The following TBC1D5 variants were observed in gnomAD, a reference collection of about 807,000 sequenced individuals.
TBC1D5 encodes TBC1 domain family member 5, also known as TBC1 domain family, member 5.
Under a neutral mutation model 100.3 loss-of-function variants are expected in TBC1D5, and 75 were observed. The ratio of observed to expected loss-of-function variants is 0.75; its 90% CI spans 0.62 to 0.91. The LOEUF (loss-of-function observed/expected upper bound fraction) is 0.91, where lower values mean the gene tolerates loss of function less well. Among genes scored for constraint, TBC1D5 ranks in the 40% least tolerant of loss-of-function variants. The probability of loss-of-function intolerance (pLI) is 0.00; values close to 1 mark genes in which losing one functional copy is unlikely to be tolerated. For synonymous variants in TBC1D5, 323 were observed against 325.6 expected, an observed-to-expected ratio of 0.99 and a Z score of 0.09; for missense variants, 910 against 942.4, an observed-to-expected ratio of 0.97 and a Z score of 0.45.
chr3:17,599,001 C>T (rs1275041491), intron 2 of TBC1D5, among the ~76,000 whole-genome samples: 1 of 152,136 alleles, frequency 6.6e-6, no homozygotes, highest in Non-Finnish European at 1.5e-5. Context: ...AGAATTGTGG[C>T]TATGGAGGAC....
chr3:17,488,256 T>G (rs976335256), intron 3 of TBC1D5, among the ~76,000 whole-genome samples: 1 of 152,244 alleles, frequency 6.6e-6, no homozygotes, highest in African/African-American at 2.4e-5. Flanking sequence ...TTAGTGTCTT[T>G]TACTTAGCAG....
chr3:17,161,399 G>GCCTGCTGC (rs759488483), intron 21 of TBC1D5, 143 bp from the exon 23 acceptor site: 7 of 945,740 alleles, frequency 7.4e-6, no homozygotes, highest in Non-Finnish European at 1.1e-5. Flanking sequence ...GCAGTGTTTG[G>GCCTGCTGC]CCTGCTGCCC....
At chr3:17,319,171 C>A (rs1221639522) in intron 13 of TBC1D5, among the ~76,000 whole-genome samples, 1 of 152,104 alleles carries the variant, frequency 6.6e-6, no homozygotes, top group Non-Finnish European at 1.5e-5. Context: ...TGCTCGTAAA[C>A]CAACTCAAAT....
Position 17,304,564 on chromosome 3 carries a change from T to C in TBC1D5, c.1138+3428A>G, listed in dbSNP as rs375678000. ...CTAGGACTACAGGCACAAGCCACTA[T>C]ACCCGGCCAAATTTTATTTTTTGTA... On this transcript the variant is annotated intron_variant, in intron 14 of 21. Transcript: ENST00000253692. 2.6e-5 allele frequency among the ~76,000 whole-genome samples: 4 copies of C among 152,266 alleles called. No individual in the cohort carries two copies. In the East Asian group the frequency reaches 7.7e-4, roughly 29 times the overall value.
At chr3:17,237,420 G>A (rs2075948749) in intron 17 of TBC1D5, among the ~76,000 whole-genome samples, 1 of 152,190 alleles carries the variant, frequency 6.6e-6, no homozygotes, top group Non-Finnish European at 1.5e-5. Context: ...AAGGTTCAGA[G>A]TAAGAACCTG....
intron 2 of TBC1D5, among the ~76,000 whole-genome samples, chr3:17,578,582 T>C (rs1293577190): frequency 6.6e-6 from 1 of 152,058 alleles, no homozygotes; most frequent in Non-Finnish European, 1.5e-5. Flanking sequence ...TAAACATTTT[T>C]TAAAACTTAG....
chr3:17,487,780 G>A (rs1028926457), intron 3 of TBC1D5, among the ~76,000 whole-genome samples: 2 of 152,220 alleles, frequency 1.3e-5, no homozygotes, highest in African/African-American at 4.8e-5. Flanking sequence ...AAAGTCAATG[G>A]AAGAAGAATC....
At chr3:17,167,070 C>G in intron 20 of TBC1D5, 142 bp from the exon 22 acceptor site, 1 of 874,740 alleles carries the variant, frequency 1.1e-6, no homozygotes, top group East Asian at 3.0e-5. Context: ...CTATAAGAAA[C>G]AAATAATGAG....
At chr3:17,530,873 T>C (rs941797886) in intron 2 of TBC1D5, among the ~76,000 whole-genome samples, 5 of 152,114 alleles carry the variant, frequency 3.3e-5, no homozygotes, top group Admixed American at 2.0e-4. Flanking sequence ...CCACAGCCAA[T>C]ATCATACCGA....
chr3:17,409,852 A>G (rs1438992476), intron 4 of TBC1D5, among the ~76,000 whole-genome samples: 2 of 152,166 alleles, frequency 1.3e-5, no homozygotes, highest in African/African-American at 4.8e-5. Flanking sequence ...GAAGTTTAAG[A>G]AAAGAAGCCA....
chr3:17,233,655 A>G (rs2075616548), intron 17 of TBC1D5, 30 bp downstream of exon 18: 3 of 1,363,910 alleles, frequency 2.2e-6, no homozygotes, highest in South Asian at 1.4e-5. Flanking sequence ...GCAAAGAAAA[A>G]GAAACACTAT....
At chr3:17,352,699 AC>A (rs1297218475) in intron 13 of TBC1D5, among the ~76,000 whole-genome samples, 40 of 149,756 alleles carry the variant, frequency 2.7e-4, no homozygotes, top group African/African-American at 8.6e-4. Context: ...AAAAAAAAAA[AC>A]AAAAAAACCT....
chr3:17,607,758 C>CA (rs368529574), intron 2 of TBC1D5, among the ~76,000 whole-genome samples: 24 of 152,076 alleles, frequency 1.6e-4, no homozygotes, highest in African/African-American at 5.8e-4. Flanking sequence ...ACTTGTTGAA[C>CA]AGGATTAACA....
chr3:17,644,271 TTAAATACTTCA>T (rs2064807458), intron 1 of TBC1D5, among the ~76,000 whole-genome samples: 9 of 152,148 alleles, frequency 5.9e-5, no homozygotes, highest in Admixed American at 2.0e-4. Flanking sequence ...TGTTTGTTGA[TTAAATACTTCA>T]GTCTTACACT....
intron 1 of TBC1D5, among the ~76,000 whole-genome samples, chr3:17,737,225 A>G (rs934277002): frequency 1.3e-5 from 2 of 152,124 alleles, no homozygotes; most frequent in African/African-American, 4.8e-5. Context: ...CTTACTTCTC[A>G]CTGGTCTAGT....
intron 1 of TBC1D5, among the ~76,000 whole-genome samples, chr3:17,724,393 C>A (rs1334791579): frequency 6.6e-6 from 1 of 152,176 alleles, no homozygotes; most frequent in Non-Finnish European, 1.5e-5. Flanking sequence ...CCACACCCAG[C>A]CTAGATTGGC....
At chr3:17,351,999 CA>C (rs2090648778) in intron 13 of TBC1D5, among the ~76,000 whole-genome samples, 1 of 146,760 alleles carries the variant, frequency 6.8e-6, no homozygotes, top group Non-Finnish European at 1.5e-5. Context: ...TAAAGAGAAA[CA>C]TGTCAAAAAA....
chr3:17,511,937 G>T (rs1387312783), intron 2 of TBC1D5, among the ~76,000 whole-genome samples: 1 of 151,966 alleles, frequency 6.6e-6, no homozygotes, highest in Non-Finnish European at 1.5e-5. Context: ...AATGTTCATA[G>T]TTTTCTTTTA....
At chr3:17,247,454 A>T (rs567830618) in intron 16 of TBC1D5, among the ~76,000 whole-genome samples, 2 of 152,216 alleles carry the variant, frequency 1.3e-5, no homozygotes, top group African/African-American at 4.8e-5. Context: ...TTAAAAAAAT[A>T]CTTTATTGCC....
Sources: allele counts gnomAD v4.1 joint callset (sites outside exome capture counted in the v4.1 genomes callset), GRCh38; gene constraint gnomAD v4.1.1; transcripts MANE v1.5; gene names NCBI Gene and HGNC (gene_info 2026-07-23, HGNC 2026-07-21).